STRN: variants seen among roughly 807,000 people sequenced by gnomAD.
STRN encodes striatin, also known as protein phosphatase 2 regulatory subunit B'''alpha.
Under a neutral mutation model 96.3 loss-of-function variants are expected in STRN, and 53 were observed. The ratio of observed to expected loss-of-function variants is 0.55; its 90% CI spans 0.44 to 0.69. The LOEUF is 0.69. Ranked by LOEUF, STRN falls within the 30% of genes least tolerant of loss-of-function variation. The pLI, the probability that STRN is intolerant of heterozygous loss-of-function variation, is 0.00. For synonymous variants in STRN, 428 were observed against 355.9 expected, an observed-to-expected ratio of 1.20 and a Z score of -2.28; for missense variants, 987 against 963.9, an observed-to-expected ratio of 1.02 and a Z score of -0.32.
chr2:36,963,441 A>G (rs1665077412), intron 1 of STRN, among the ~76,000 whole-genome samples: 1 of 152,184 alleles, frequency 6.6e-6, no homozygotes, highest in African/African-American at 2.4e-5. Context: ...TTGTGTTTCT[A>G]AGAAAATTCC....
chr2:36,852,376 T>G (rs1375247021), intron 15 of STRN, among the ~76,000 whole-genome samples: 2 of 152,186 alleles, frequency 1.3e-5, no homozygotes, highest in East Asian at 1.9e-4. Flanking sequence ...CTCTCAAAAT[T>G]TGAATATAAA....
At chr2:36,904,127 AAC>A (rs576656659) in intron 4 of STRN, among the ~76,000 whole-genome samples, 302 of 152,330 alleles carry the variant, frequency 2.0e-3, no homozygotes, top group Non-Finnish European at 3.7e-3. Flanking sequence ...ACATTCTAAG[AAC>A]ACATCTATTT....
intron 3 of STRN, among the ~76,000 whole-genome samples, chr2:36,910,684 A>C (rs1669942344): frequency 6.6e-6 from 1 of 152,200 alleles, no homozygotes; most frequent in Non-Finnish European, 1.5e-5. Context: ...AAGAAACAAG[A>C]ACAGACTGAA....
At chr2:36,874,128 G>A (rs1006107651) in intron 10 of STRN, among the ~76,000 whole-genome samples, 1 of 151,826 alleles carries the variant, frequency 6.6e-6, no homozygotes, top group Non-Finnish European at 1.5e-5. Flanking sequence ...GCTGGGCGTG[G>A]TGGCGGGCAC....
chr2:36,852,925 G>C (rs1668255696), intron 15 of STRN, among the ~76,000 whole-genome samples: 1 of 152,178 alleles, frequency 6.6e-6, no homozygotes, highest in Non-Finnish European at 1.5e-5. Context: ...AGGAGGCCGA[G>C]GCAGGCGGAT....
chr2:36,914,003 G>C (rs919717066), intron 3 of STRN, among the ~76,000 whole-genome samples: 1 of 151,536 alleles, frequency 6.6e-6, no homozygotes, highest in African/African-American at 2.4e-5. Flanking sequence ...TTTTTTTTAA[G>C]AGACAGGATC....
intron 2 of STRN, 76 bp from the exon 3 acceptor site, chr2:36,916,227 G>A (rs956947143): frequency 4.9e-6 from 6 of 1,228,078 alleles, no homozygotes; most frequent in East Asian, 2.4e-5. Flanking sequence ...GTAGTCACAA[G>A]AATTCAGTAG....
In STRN at chr2:36,857,893, C is replaced by G. The variant is rs1283689816; in HGVS notation, c.1800G>C (p.Glu600Asp). Residue 600 changes from glutamate (E) to aspartate (D), a missense_variant, in exon 14 of 18, where the codon GAG (glutamate) becomes GAC (aspartate). Coordinates refer to ENST00000263918, the MANE Select transcript of STRN (RefSeq NM_003162.4). ...DGTLRLWNTT[E>D]VAPALSVFND... Reference sequence around the variant, plus strand: ...TAAATACACTTAGTGCTGGAGCAACCTCAGTTGTATTCCATAAACGCAGAG... The same window carrying G: ...TAAATACACTTAGTGCTGGAGCAACGTCAGTTGTATTCCATAAACGCAGAG... 1 of 1,614,050 alleles carries G rather than the reference C, an allele frequency of 6.2e-7. No individual in the cohort carries two copies. Among genetic ancestry groups the G allele is most frequent in the Non-Finnish European group, 8.5e-7 (1 of 1,179,988 alleles).
intron 1 of STRN, among the ~76,000 whole-genome samples, chr2:36,955,573 G>A (rs1384180617): frequency 6.6e-6 from 1 of 152,074 alleles, no homozygotes; most frequent in Non-Finnish European, 1.5e-5. Flanking sequence ...CCCTTCTTCT[G>A]TCTCTTCTCC....
intron 1 of STRN, among the ~76,000 whole-genome samples, chr2:36,956,290 A>C (rs1036440134): frequency 6.6e-6 from 1 of 152,214 alleles, no homozygotes; most frequent in African/African-American, 2.4e-5. Flanking sequence ...CATATTTTGC[A>C]TATTTATCTT....
intron 2 of STRN, among the ~76,000 whole-genome samples, chr2:36,917,726 A>G (rs1294499092): frequency 6.6e-6 from 1 of 152,058 alleles, no homozygotes; most frequent in Non-Finnish European, 1.5e-5. Context: ...TTGATGTCCT[A>G]TTTCTTAAGG....
intron 1 of STRN, among the ~76,000 whole-genome samples, chr2:36,948,802 C>A (rs753621287): frequency 6.6e-6 from 1 of 152,094 alleles, no homozygotes; most frequent in Non-Finnish European, 1.5e-5. Flanking sequence ...CTGAGGGTAT[C>A]CAAATATCTT....
intron 1 of STRN, 99 bp downstream of exon 1, chr2:36,966,131 G>A: frequency 3.8e-6 from 5 of 1,317,144 alleles, no homozygotes; most frequent in South Asian, 3.6e-5. Flanking sequence ...AAAGGGGGAG[G>A]GGACGCGAGA....
intron 9 of STRN, among the ~76,000 whole-genome samples, chr2:36,882,536 G>A (rs1227786038): frequency 1.3e-5 from 2 of 151,914 alleles, no homozygotes; most frequent in East Asian, 1.9e-4. Context: ...GGAGGCCGAC[G>A]CAGTTGGATC....
At position 36,849,209 on chromosome 2, in the gene STRN, G is replaced by T. The variant is rs965424340; in HGVS notation, c.*247C>A. On this transcript the variant is annotated 3_prime_UTR_variant, in exon 18 of 18. Transcript: ENST00000263918. Reference sequence around the variant, plus strand: ...TTAGAACCACCTCAGAAATAAAGGCGCCTATTGGGGAGAAATTTGAAACAG... The same window carrying T: ...TTAGAACCACCTCAGAAATAAAGGCTCCTATTGGGGAGAAATTTGAAACAG... 4.4e-6 allele frequency: 2 copies of T among 456,592 alleles called. No homozygotes were observed. Among genetic ancestry groups the T allele is most frequent in the Admixed American group, 3.7e-5 (1 of 27,272 alleles). The allele number at this position is 456,592 out of a possible 1,614,324, so 28.3% of individuals were successfully genotyped here. A position where few individuals can be genotyped will look rare whatever the true frequency, so the allele number is the denominator to read the frequency against.
At chr2:36,886,617 G>T in intron 8 of STRN, 99 bp downstream of exon 8, 1 of 910,532 alleles carries the variant, frequency 1.1e-6, no homozygotes, top group Non-Finnish European at 1.7e-6. Context: ...GAGCAGAAAT[G>T]AAAAAGAGTA....
At chr2:36,862,561 C>G (rs1483295549) in intron 12 of STRN, among the ~76,000 whole-genome samples, 1 of 152,048 alleles carries the variant, frequency 6.6e-6, no homozygotes, top group Non-Finnish European at 1.5e-5. Flanking sequence ...TGGAAACTAT[C>G]TGTTCATGTT....
chr2:36,869,603 C>T lies in STRN; in HGVS notation c.1450G>A (p.Asp484Asn). Residue 484 changes from aspartate to asparagine, a missense_variant, in exon 11 of 18, where the codon GAT becomes AAT. Physicochemically the swap from Asp to Asn is conservative, Grantham distance 23. Transcript: ENST00000263918. ...AAATTCCACATTTTTAATGTGTGAT[C>T]CTCTGATGCTGTTATCAAAACAGGC... is the stretch of plus-strand genomic sequence containing the variant. ...IEPVLITASE[D>N]HTLKMWNLQK... 1 of 1,605,154 alleles carries T rather than the reference C, an allele frequency of 6.2e-7. No individual in the cohort carries two copies. The highest frequency in any genetic ancestry group is 8.5e-7 in the Non-Finnish European group (1 of 1,175,574).
intron 10 of STRN, among the ~76,000 whole-genome samples, chr2:36,876,009 G>A (rs2148161451): frequency 6.6e-6 from 1 of 152,276 alleles, no homozygotes; most frequent in South Asian, 2.1e-4. Context: ...GTTCACACCT[G>A]TAATCCCAGC....
Sources: gnomAD v4.1 joint callset for allele counts (sites outside exome capture counted in the v4.1 genomes callset) on GRCh38, gnomAD v4.1.1 for gene constraint, MANE v1.5 for transcripts, NCBI Gene and HGNC (gene_info 2026-07-23, HGNC 2026-07-21) for gene names.